RSU1: variants seen among roughly 807,000 people sequenced by gnomAD.
The protein encoded by RSU1 is Ras suppressor protein 1.
Under a neutral mutation model 31.1 loss-of-function variants are expected in RSU1, and 26 were observed. The ratio of observed to expected loss-of-function variants is 0.84; its 90% CI spans 0.61 to 1.16. The LOEUF (loss-of-function observed/expected upper bound fraction) is 1.16, where lower values mean the gene tolerates loss of function less well. Ranked by LOEUF, RSU1 falls within the 50% of genes most tolerant of loss-of-function variation. The probability of loss-of-function intolerance (pLI) is 0.00; values close to 1 mark genes in which losing one functional copy is unlikely to be tolerated. For synonymous variants in RSU1, 164 were observed against 136.3 expected (o/e 1.20, Z -1.41); for missense variants, 320 against 339.1 (o/e 0.94, Z 0.44).
chr10:16,723,744 T>C (rs1210508649), intron 7 of RSU1, among the ~76,000 whole-genome samples: 1 of 151,876 alleles, frequency 6.6e-6, no homozygotes, highest in Non-Finnish European at 1.5e-5. Context: ...TGCAGGAAGA[T>C]GGACTAGAGG....
intron 8 of RSU1, among the ~76,000 whole-genome samples, chr10:16,605,127 C>G (rs1448654675): frequency 6.6e-6 from 1 of 151,902 alleles, no homozygotes; most frequent in Non-Finnish European, 1.5e-5. Context: ...AAATAATCCC[C>G]CTCCCTCTTA....
At chr10:16,628,138 G>C (rs1305517476) in intron 8 of RSU1, among the ~76,000 whole-genome samples, 1 of 152,138 alleles carries the variant, frequency 6.6e-6, no homozygotes, top group African/African-American at 2.4e-5. Context: ...CATATTTATT[G>C]ACAACAATCT....
rs535857942 is a variant in RSU1, at chr10:16,746,665, CTTT to C, written c.598+5871_598+5873del. On this transcript the variant is annotated intron_variant, in intron 7 of 8. Coordinates refer to ENST00000345264, the MANE Select transcript of RSU1 (RefSeq NM_012425.4). The stretch of plus-strand genomic sequence containing the variant: ...GGTGACGTCACCAGCTCCCAAATCA[CTTT>C]TTTTTTTTTTTTTTTTTTTTCCTGG... Among the ~76,000 whole-genome samples the C allele has an allele frequency of 9.1e-4, 93 of 101,850 alleles. No individual in the cohort carries two copies. The East Asian group carries it at 0.011, about 12-fold the overall frequency. 66.8% of individuals were successfully genotyped at this position (101,850 alleles called of 152,430 possible).
At chr10:16,779,045 A>G (rs1208030860) in intron 3 of RSU1, among the ~76,000 whole-genome samples, 1 of 152,228 alleles carries the variant, frequency 6.6e-6, no homozygotes, top group African/African-American at 2.4e-5. Context: ...TTCATAGCAA[A>G]AAGGCAGAAG....
intron 8 of RSU1, among the ~76,000 whole-genome samples, chr10:16,596,166 G>GCTGCCCCCAATTT (rs1044182573): frequency 1.3e-5 from 2 of 152,090 alleles, no homozygotes; most frequent in African/African-American, 4.8e-5. Flanking sequence ...TGTCTCTGTT[G>GCTGCCCCCAATTT]CTGCCCCCAA....
chr10:16,672,807 T>G (rs1835136029), intron 8 of RSU1, among the ~76,000 whole-genome samples: 1 of 152,214 alleles, frequency 6.6e-6, no homozygotes, highest in Non-Finnish European at 1.5e-5. Flanking sequence ...TTCACTGTCT[T>G]AAGTTGATTG....
intron 8 of RSU1, among the ~76,000 whole-genome samples, chr10:16,653,426 G>A (rs1588696308): frequency 1.3e-5 from 2 of 152,260 alleles, no homozygotes; most frequent in African/African-American, 4.8e-5. Flanking sequence ...AAAAACCACT[G>A]CAAGTTTCAC....
rs966917989 is a variant in RSU1, at chr10:16,730,337, G to C, written c.598+22202C>G. On this transcript the variant is annotated intron_variant, in intron 7 of 8. Coordinates refer to ENST00000345264, the MANE Select transcript of RSU1 (RefSeq NM_012425.4). ...ACAAACATCCAAACTGTATCAACTT[G>C]CACCTCATGCACGTGAGCTGTACCT... 3.3e-5 allele frequency among the ~76,000 whole-genome samples: 5 copies of C among 152,262 alleles called. No individual in the cohort carries two copies. In the South Asian group the frequency reaches 1.0e-3, roughly 32 times the overall value.
intron 2 of RSU1, among the ~76,000 whole-genome samples, chr10:16,793,759 A>G (rs534203484): frequency 6.6e-6 from 1 of 152,080 alleles, no homozygotes; most frequent in African/African-American, 2.4e-5. Flanking sequence ...GCTGCCCTCA[A>G]TGAGCTTCCT....
Position 16,717,760 on chromosome 10 carries a change from TA to T in RSU1, c.599-22606del, listed in dbSNP as rs1836172307. ...GGACTCAAGAAAAATGAAAGCAAATTAACTATATGACTCAAGGGAAAAAATG... is the reference window on the plus strand; with the variant it reads ...GGACTCAAGAAAAATGAAAGCAAATTACTATATGACTCAAGGGAAAAAATG... On this transcript the variant is annotated intron_variant, in intron 7 of 8. Transcript: ENST00000345264. 2.6e-5 allele frequency among the ~76,000 whole-genome samples: 4 copies of T among 152,158 alleles called. No homozygotes were observed. In the South Asian group the frequency reaches 8.3e-4, roughly 32 times the overall value.
chr10:16,650,725 G>A (rs190873658), intron 8 of RSU1, among the ~76,000 whole-genome samples: 2,382 of 151,146 alleles, frequency 0.016, 58 homozygotes, highest in African/African-American at 0.055. Context: ...GACTACAGGC[G>A]CCCGCCACCA....
At position 16,649,239 on chromosome 10, in the gene RSU1, A is replaced by G. The variant is rs534206520; in HGVS notation, c.731+45784T>C. Reference sequence around the variant, plus strand: ...AGATTAGAAATGGCTCTTATGAATCACGAAGGCATATTCAGCATGTATGAA... The same window carrying G: ...AGATTAGAAATGGCTCTTATGAATCGCGAAGGCATATTCAGCATGTATGAA... On this transcript the variant is annotated intron_variant, in intron 8 of 8. Coordinates refer to ENST00000345264, the MANE Select transcript of RSU1 (RefSeq NM_012425.4). Among the ~76,000 whole-genome samples the G allele has an allele frequency of 2.6e-5, 4 of 152,340 alleles. No individual in the cohort carries two copies. The South Asian group carries it at 8.3e-4, about 32-fold the overall frequency.
intron 8 of RSU1, among the ~76,000 whole-genome samples, chr10:16,661,872 C>CT (rs1454575731): frequency 1.3e-5 from 2 of 152,224 alleles, no homozygotes; most frequent in African/African-American, 4.8e-5. Flanking sequence ...ATTATAAGGT[C>CT]TTTCTGCCCC....
intron 8 of RSU1, among the ~76,000 whole-genome samples, chr10:16,615,140 C>G (rs1303999831): frequency 6.6e-6 from 1 of 151,870 alleles, no homozygotes; most frequent in Non-Finnish European, 1.5e-5. Context: ...GGAGACCCAT[C>G]TCACGTGCAA....
rs532602041 is a variant in RSU1, at chr10:16,590,985, C to G, written c.*2409G>C. On this transcript the variant is annotated 3_prime_UTR_variant, in exon 9 of 9. Coordinates refer to ENST00000345264, the MANE Select transcript of RSU1 (RefSeq NM_012425.4). ...GGAGTGCGGTGGCTTAATCTCAGCT[C>G]AGTGCAACCTCTGCCTCCCGGGTTC... The G allele has an allele frequency of 1.3e-5, 2 of 152,264 alleles. No homozygotes were observed. The highest frequency in any genetic ancestry group is 2.4e-5 in the African/African-American group (1 of 41,544). 9.4% of individuals were successfully genotyped at this position (152,264 alleles called of 1,614,324 possible).
At chr10:16,671,568 C>T (rs943399255) in intron 8 of RSU1, among the ~76,000 whole-genome samples, 4 of 152,144 alleles carry the variant, frequency 2.6e-5, no homozygotes, top group African/African-American at 4.8e-5. Flanking sequence ...CCCACCTCAG[C>T]TTCCCAAGTA....
At chr10:16,657,313 T>A (rs752401010) in intron 8 of RSU1, among the ~76,000 whole-genome samples, 2 of 152,224 alleles carry the variant, frequency 1.3e-5, no homozygotes, top group Non-Finnish European at 2.9e-5. Flanking sequence ...GTAACTTACT[T>A]GACCATTCAG....
chr10:16,758,734 A>C lies in RSU1; in HGVS notation c.282-3745T>G, dbSNP rs150591455. On this transcript the variant is annotated intron_variant, in intron 4 of 8. Transcript: ENST00000345264. ...GAGCTGTTGCTAGAATTATTTTTCAAAAGATTTGAGAGAAAATTTTGATTT... is the reference window on the plus strand; with the variant it reads ...GAGCTGTTGCTAGAATTATTTTTCACAAGATTTGAGAGAAAATTTTGATTT... Among the ~76,000 whole-genome samples, 394 of 152,310 alleles carry C rather than the reference A, an allele frequency of 2.6e-3. 2 individuals carry two copies. Among genetic ancestry groups the C allele is most frequent in the African/African-American group, 8.9e-3 (369 of 41,568 alleles).
intron 3 of RSU1, among the ~76,000 whole-genome samples, chr10:16,777,002 G>A (rs75450538): frequency 0.023 from 3,488 of 151,876 alleles, 66 homozygotes; most frequent in Non-Finnish European, 0.034. Context: ...TTACGTGTGG[G>A]TTTTGCTGTT....
Sources: allele counts gnomAD v4.1 joint callset (sites outside exome capture counted in the v4.1 genomes callset), GRCh38; gene constraint gnomAD v4.1.1; transcripts MANE v1.5; gene names NCBI Gene and HGNC (gene_info 2026-07-23, HGNC 2026-07-21).